The following CCDC178 variants were observed in gnomAD, a reference collection of about 807,000 sequenced individuals.
CCDC178 encodes the protein coiled-coil domain-containing protein 178.
CCDC178 carries 126 observed loss-of-function variants against 117.4 expected under a neutral mutation model. The ratio of observed to expected loss-of-function variants is 1.07; its 90% CI spans 0.93 to 1.24. The LOEUF is 1.24. Ranked by LOEUF, CCDC178 falls within the 50% of genes most tolerant of loss-of-function variation. The pLI, the probability that CCDC178 is intolerant of heterozygous loss-of-function variation, is 0.00. For synonymous variants in CCDC178, 283 were observed against 313.4 expected (o/e 0.90, Z 1.02); for missense variants, 1,030 against 986.9 (o/e 1.04, Z -0.59).
intron 20 of CCDC178, among the ~76,000 whole-genome samples, chr18:33,164,152 G>A (rs965835916): frequency 1.0e-4 from 15 of 147,028 alleles, no homozygotes; most frequent in Non-Finnish European, 2.2e-4. Flanking sequence ...TTGTTGCCCA[G>A]GCTGGAGTGC....
Position 33,333,302 on chromosome 18 carries a change from C to T in CCDC178, c.751G>A (p.Glu251Lys). The T allele has an allele frequency of 6.2e-7, 1 of 1,612,450 alleles. No homozygotes were observed. Among genetic ancestry groups the T allele is most frequent in the Admixed American group, 1.7e-5 (1 of 59,964 alleles). The change falls in exon 10 of 23, where the codon GAG becomes AAG. Residue 251 changes from glutamate to lysine, a missense_variant. Physicochemically the swap from Glu to Lys is moderately conservative, Grantham distance 56. Coordinates refer to ENST00000383096, the MANE Select transcript of CCDC178 (RefSeq NM_001105528.4). Reference sequence around the variant, plus strand: ...ATCTTTGCATTTGCTTCTTCTAACTCTGTCTTTTGTTTTTCAAAATGTTGT... The same window carrying T: ...ATCTTTGCATTTGCTTCTTCTAACTTTGTCTTTTGTTTTTCAAAATGTTGT... ...QLQHFEKQKT[E>K]LEEANAKIQA... is the part of the protein sequence containing the mutation.
chr18:33,170,895 A>G (rs1035430576), intron 20 of CCDC178, among the ~76,000 whole-genome samples: 21 of 150,988 alleles, frequency 1.4e-4, no homozygotes, highest in African/African-American at 5.1e-4. Flanking sequence ...TTCATCTTAT[A>G]GTAGCACATT....
intron 21 of CCDC178, 84 bp from the exon 22 acceptor site, chr18:32,974,765 A>C: frequency 1.4e-6 from 2 of 1,379,872 alleles, no homozygotes; most frequent in Non-Finnish European, 2.0e-6. Context: ...TGATGGAGGG[A>C]AATATAGAAA....
chr18:33,013,841 A>T (rs1303253093), intron 21 of CCDC178, among the ~76,000 whole-genome samples: 2 of 152,226 alleles, frequency 1.3e-5, no homozygotes, highest in Non-Finnish European at 2.9e-5. Flanking sequence ...TCTTGTTCAC[A>T]TCAAGGTACA....
intron 12 of CCDC178, among the ~76,000 whole-genome samples, chr18:33,279,997 C>A (rs966787666): frequency 2.0e-5 from 3 of 151,618 alleles, no homozygotes; most frequent in African/African-American, 7.3e-5. Flanking sequence ...ACCATAAAAA[C>A]CCTAGAAGGA....
chr18:33,040,997 A>G (rs1056698325), intron 21 of CCDC178, among the ~76,000 whole-genome samples: 18 of 151,974 alleles, frequency 1.2e-4, no homozygotes, highest in African/African-American at 4.1e-4. Context: ...CAATTTTTAA[A>G]GTAGAATTCC....
chr18:33,275,263 T>C (rs1480544393), intron 12 of CCDC178, among the ~76,000 whole-genome samples: 2 of 151,950 alleles, frequency 1.3e-5, no homozygotes, highest in East Asian at 3.9e-4. Flanking sequence ...TATAAATATA[T>C]GTGCATATGT....
At chr18:33,322,921 T>C (rs1347268257) in intron 11 of CCDC178, among the ~76,000 whole-genome samples, 1 of 151,040 alleles carries the variant, frequency 6.6e-6, no homozygotes, top group Non-Finnish European at 1.5e-5. Flanking sequence ...AAAAATGCTA[T>C]TACATCACAC....
chr18:33,087,011 CACAA>C (rs1277124168), intron 21 of CCDC178, among the ~76,000 whole-genome samples: 8 of 139,898 alleles, frequency 5.7e-5, no homozygotes, highest in Non-Finnish European at 1.1e-4. Flanking sequence ...CACACACACA[CACAA>C]CAAAATAGCC....
At chr18:33,032,056 G>T (rs988024779) in intron 21 of CCDC178, among the ~76,000 whole-genome samples, 1 of 152,078 alleles carries the variant, frequency 6.6e-6, no homozygotes, top group African/African-American at 2.4e-5. Flanking sequence ...ATAACCAATG[G>T]TAGGGCTAGT....
intron 21 of CCDC178, among the ~76,000 whole-genome samples, chr18:33,085,436 G>T (rs1448592375): frequency 6.6e-6 from 1 of 152,062 alleles, no homozygotes; most frequent in Non-Finnish European, 1.5e-5. Context: ...GGTGGCGGGC[G>T]CCTGTAGTCC....
intron 21 of CCDC178, among the ~76,000 whole-genome samples, chr18:33,090,830 C>T (rs548225636): frequency 1.3e-5 from 2 of 152,330 alleles, no homozygotes; most frequent in East Asian, 3.9e-4. Flanking sequence ...TAAACCCAAT[C>T]TCCCAGCAAT....
intron 21 of CCDC178, among the ~76,000 whole-genome samples, chr18:33,033,453 C>CCAGG: frequency 6.6e-6 from 1 of 152,190 alleles, no homozygotes. Context: ...TGGCATCTGG[C>CCAGG]TTAAGGGGTG....
chr18:33,272,247 GTGA>G (rs1421171058), intron 12 of CCDC178, among the ~76,000 whole-genome samples: 6 of 151,308 alleles, frequency 4.0e-5, no homozygotes, highest in Non-Finnish European at 7.4e-5. Flanking sequence ...CCTTCAAAAA[GTGA>G]TTATAAGAGA....
intron 11 of CCDC178, among the ~76,000 whole-genome samples, chr18:33,303,499 T>A (rs2062206991): frequency 6.6e-6 from 1 of 152,118 alleles, no homozygotes; most frequent in Admixed American, 6.5e-5. Context: ...CTTTGGGTGA[T>A]AATGATGTGT....
At chr18:33,361,608 C>A (rs1408611330) in intron 6 of CCDC178, among the ~76,000 whole-genome samples, 1 of 151,700 alleles carries the variant, frequency 6.6e-6, no homozygotes, top group Non-Finnish European at 1.5e-5. Context: ...CTCTTAAACT[C>A]ATTAGCAAAA....
intron 22 of CCDC178, among the ~76,000 whole-genome samples, chr18:32,971,635 C>T (rs1056195565): frequency 3.9e-5 from 6 of 152,150 alleles, no homozygotes; most frequent in Admixed American, 6.5e-5. Flanking sequence ...TTTACATTCC[C>T]ATCAAAAATG....
chr18:33,307,505 T>G (rs538494065), intron 11 of CCDC178, among the ~76,000 whole-genome samples: 8 of 152,308 alleles, frequency 5.3e-5, no homozygotes, highest in Admixed American at 2.0e-4. Context: ...AGCACAAAAG[T>G]TTAGAAAATG....
intron 20 of CCDC178, among the ~76,000 whole-genome samples, chr18:33,166,086 GTCAACAGA>G (rs2058524530): frequency 6.6e-6 from 1 of 152,064 alleles, no homozygotes; most frequent in South Asian, 2.1e-4. Context: ...GAGCACAAAT[GTCAACAGA>G]GTGAAAAAGA....
Sources: allele counts gnomAD v4.1 joint callset (sites outside exome capture counted in the v4.1 genomes callset), GRCh38; gene constraint gnomAD v4.1.1; transcripts MANE v1.5; gene names NCBI Gene and HGNC (gene_info 2026-07-23, HGNC 2026-07-21).